The following FAM13C variants were observed in gnomAD, a reference collection of about 807,000 sequenced individuals.
FAM13C encodes protein FAM13C.
In FAM13C, 37 loss-of-function variants were observed where a neutral mutation model predicts 73.2. That is an observed-to-expected ratio of 0.51 (90% CI 0.39 to 0.67). The LOEUF is 0.67. Ranked by LOEUF, FAM13C falls within the 30% of genes least tolerant of loss-of-function variation. The pLI is 0.00. For missense variants in FAM13C, 589 were observed against 715.6 expected, an observed-to-expected ratio of 0.82 and a Z score of 2.02; for synonymous variants, 246 against 260.9, an observed-to-expected ratio of 0.94 and a Z score of 0.55.
In FAM13C at chr10:59,321,431, C is replaced by CT. The variant is rs1850255076; in HGVS notation, c.443+2556_443+2557insA. Among the ~76,000 whole-genome samples the CT allele has an allele frequency of 1.5e-3, 166 of 109,836 alleles. 9 individuals carry two copies. Among genetic ancestry groups the CT allele is most frequent in the African/African-American group, 4.9e-3 (142 of 28,938 alleles). 72.1% of individuals were successfully genotyped at this position (109,836 alleles called of 152,430 possible). A position where few individuals can be genotyped will look rare whatever the true frequency, so the allele number is the denominator to read the frequency against. The stretch of plus-strand genomic sequence containing the variant: ...AGAAAGGAATGGAGCCCTGCCAACA[C>CT]CTTTTTTTTTTTTTTTTTTTTTTTT... On this transcript the variant is annotated intron_variant, in intron 4 of 13. Transcript: ENST00000618804.
intron 3 of FAM13C, among the ~76,000 whole-genome samples, chr10:59,339,060 C>T (rs1437414474): frequency 6.6e-6 from 1 of 152,086 alleles, no homozygotes; most frequent in Non-Finnish European, 1.5e-5. Context: ...GCTGGCACTC[C>T]TTGGCTTCTG....
chr10:59,252,950 G>A lies in FAM13C; in HGVS notation c.1381C>T (p.Pro461Ser), dbSNP rs938184648. The A allele has an allele frequency of 6.2e-7, 1 of 1,614,108 alleles. No individual in the cohort carries two copies. The highest frequency in any genetic ancestry group is 1.7e-5 in the Admixed American group (1 of 60,024). ...DEDRPQGSQQ[P>S]SLADPASHLP... ...TGAGATGCTGGATCTGCCAAAGAAG[G>A]TTGTTGGCTTCCCTGTGGACGGTCT... Residue 461 changes from proline to serine, a missense_variant, in exon 12 of 14, where the codon CCT (proline) becomes TCT (serine). Physicochemically the swap from Pro to Ser is moderately conservative, Grantham distance 74 (BLOSUM62 -1). Coordinates refer to ENST00000618804, the MANE Select transcript of FAM13C (RefSeq NM_198215.4).
In FAM13C at chr10:59,248,696, G is replaced by T. The variant is rs1268855818; in HGVS notation, c.1635-959C>A. ...CTAATGTTAGTATGGCTGAAACCAG[G>T]TAAATAGCATATATTTAATGTTTTA... On this transcript the variant is annotated intron_variant, in intron 13 of 13. Transcript: ENST00000618804. 2.6e-5 allele frequency among the ~76,000 whole-genome samples: 4 copies of T among 152,094 alleles called. No homozygotes were observed. In the East Asian group the frequency reaches 7.7e-4, roughly 29 times the overall value.
intron 5 of FAM13C, among the ~76,000 whole-genome samples, chr10:59,291,925 AC>A (rs1372375993): frequency 1.3e-5 from 2 of 150,902 alleles, no homozygotes; most frequent in African/African-American, 2.4e-5. Flanking sequence ...AGTAGCTGGG[AC>A]TACAGGCGCC....
At chr10:59,265,873 T>C (rs1843010019) in intron 8 of FAM13C, among the ~76,000 whole-genome samples, 1 of 152,164 alleles carries the variant, frequency 6.6e-6, no homozygotes, top group East Asian at 1.9e-4. Flanking sequence ...AAGCTGTAGA[T>C]CTTCAAGACT....
At chr10:59,329,342 G>T (rs201292199) in intron 3 of FAM13C, among the ~76,000 whole-genome samples, 25 of 77,304 alleles carry the variant, frequency 3.2e-4, no homozygotes, top group Admixed American at 1.8e-3. Context: ...TTTCTTTCTG[G>T]TTTTTTTTTT....
chr10:59,262,508 C>T lies in FAM13C; in HGVS notation c.1162G>A (p.Glu388Lys). The T allele has an allele frequency of 6.2e-7, 1 of 1,613,784 alleles. No homozygotes were observed. The highest frequency in any genetic ancestry group is 8.5e-7 in the Non-Finnish European group (1 of 1,179,798). ...GTCAAGGCAGCATCTGGAGTCTCTTCTCCAGAGGAGCTTGGCTCCGGGCCC... is the reference window on the plus strand; with the variant it reads ...GTCAAGGCAGCATCTGGAGTCTCTTTTCCAGAGGAGCTTGGCTCCGGGCCC... ...AAGPEPSSSG[E>K]ETPDAALTCL... Residue 388 changes from glutamate (E) to lysine (K), a missense_variant, in exon 10 of 14, where the codon GAA becomes AAA. Transcript: ENST00000618804.
Position 59,262,586 on chromosome 10 carries a change from G to A in FAM13C, c.1084C>T (p.Leu362=), listed in dbSNP as rs747444856. The change falls in exon 10 of 14, where the codon CTG becomes TTG. Residue 362 remains leucine (L), a synonymous_variant. Coordinates refer to ENST00000618804, the MANE Select transcript of FAM13C (RefSeq NM_198215.4). ...GSAPKGPPRN[L]LCEQPTVPRE... ...GGGACTGTGGGTTGCTCACACAACA[G>A]GTTTCTAGGTGGACCTTTGGGAGCA... is the stretch of plus-strand genomic sequence containing the variant. 7 of 1,613,786 alleles carry A rather than the reference G, an allele frequency of 4.3e-6. No homozygotes were observed. The highest frequency in any genetic ancestry group is 2.2e-5 in the South Asian group (2 of 91,078).
intron 3 of FAM13C, among the ~76,000 whole-genome samples, chr10:59,336,430 G>T (rs1399200507): frequency 1.3e-5 from 2 of 152,000 alleles, no homozygotes; most frequent in African/African-American, 4.8e-5. Flanking sequence ...CTCAACAATG[G>T]GCACCACCAC....
chr10:59,274,008 T>C (rs1164869844), intron 6 of FAM13C, among the ~76,000 whole-genome samples: 2 of 152,188 alleles, frequency 1.3e-5, no homozygotes, highest in African/African-American at 2.4e-5. Flanking sequence ...GGTGGGCTCA[T>C]AAATAGCATT....
At chr10:59,356,477 C>T (rs1467672456) in intron 1 of FAM13C, among the ~76,000 whole-genome samples, 1 of 152,158 alleles carries the variant, frequency 6.6e-6, no homozygotes, top group Non-Finnish European at 1.5e-5. Flanking sequence ...ATCTCCAGTT[C>T]TCCATCCTGC....
At chr10:59,331,777 A>T (rs567644200) in intron 3 of FAM13C, among the ~76,000 whole-genome samples, 1 of 152,196 alleles carries the variant, frequency 6.6e-6, no homozygotes, top group African/African-American at 2.4e-5. Context: ...TATTAAAGAG[A>T]TAGAAAAAAT....
chr10:59,336,218 A>C (rs1852706498), intron 3 of FAM13C, among the ~76,000 whole-genome samples: 1 of 152,232 alleles, frequency 6.6e-6, no homozygotes, highest in Non-Finnish European at 1.5e-5. Context: ...ACTCTTCTGC[A>C]TTCTAAATCT....
At chr10:59,264,202 G>T in intron 8 of FAM13C, 36 bp from the exon 9 acceptor site, 1 of 1,453,300 alleles carries the variant, frequency 6.9e-7, no homozygotes, top group Non-Finnish European at 9.7e-7. Flanking sequence ...GTGGAAGGGA[G>T]GGAAGGAGGG....
chr10:59,347,989 C>T (rs1025336812), intron 3 of FAM13C, among the ~76,000 whole-genome samples: 1 of 152,054 alleles, frequency 6.6e-6, no homozygotes, highest in Non-Finnish European at 1.5e-5. Flanking sequence ...AATAAACATA[C>T]GTGTGCATGT....
chr10:59,256,059 G>A (rs1315410648), intron 10 of FAM13C, among the ~76,000 whole-genome samples: 1 of 152,082 alleles, frequency 6.6e-6, no homozygotes, highest in Non-Finnish European at 1.5e-5. Flanking sequence ...AGCCTGTTAA[G>A]TATTGTTTAA....
intron 2 of FAM13C, among the ~76,000 whole-genome samples, chr10:59,354,177 A>C (rs2134276290): frequency 6.6e-6 from 1 of 152,306 alleles, no homozygotes; most frequent in South Asian, 2.1e-4. Flanking sequence ...TCATTCCCAA[A>C]ATAATACCTG....
At chr10:59,315,711 C>T (rs1320209947) in intron 4 of FAM13C, among the ~76,000 whole-genome samples, 3 of 152,220 alleles carry the variant, frequency 2.0e-5, no homozygotes, top group Non-Finnish European at 4.4e-5. Flanking sequence ...TGAACTAGAA[C>T]ACCATGAAGG....
intron 4 of FAM13C, among the ~76,000 whole-genome samples, chr10:59,311,621 A>T (rs1848928613): frequency 6.6e-6 from 1 of 152,144 alleles, no homozygotes; most frequent in African/African-American, 2.4e-5. Flanking sequence ...GCCTCTGCCA[A>T]GTTTCTTCAT....
Sources: allele counts gnomAD v4.1 joint callset (sites outside exome capture counted in the v4.1 genomes callset), GRCh38; gene constraint gnomAD v4.1.1; transcripts MANE v1.5; gene names NCBI Gene and HGNC (gene_info 2026-07-23, HGNC 2026-07-21).